Variants in CNOT4 observed in about 807,000 individuals in gnomAD.
CNOT4 encodes CCR4-associated factor 4.
CNOT4 carries 8 observed loss-of-function variants against 73.8 expected under a neutral mutation model. The ratio of observed to expected loss-of-function variants is 0.11; its 90% CI spans 0.06 to 0.20. The LOEUF is 0.20. Among genes scored for constraint, CNOT4 ranks in the 10% least tolerant of loss-of-function variants. CNOT4 has a pLI of 1.00. For synonymous variants in CNOT4, 293 were observed against 321.1 expected (o/e 0.91, Z 0.94); for missense variants, 564 against 883.4 (o/e 0.64, Z 4.58).
At chr7:135,384,800 A>G (rs893447530) in intron 10 of CNOT4, 7 of 744,416 alleles carry the variant, frequency 9.4e-6, no homozygotes, top group African/African-American at 1.7e-5. Flanking sequence ...CCACCCATCT[A>G]GTTAGCATCT....
At chr7:135,432,241 G>C (rs969643434) in intron 2 of CNOT4, among the ~76,000 whole-genome samples, 5 of 152,066 alleles carry the variant, frequency 3.3e-5, no homozygotes, top group African/African-American at 1.2e-4. Flanking sequence ...AACCAATCAA[G>C]AGTGAAAGGA....
intron 6 of CNOT4, 56 bp downstream of exon 6, chr7:135,413,432 T>TAA (rs369097634): frequency 5.0e-6 from 7 of 1,392,320 alleles, no homozygotes; most frequent in South Asian, 1.3e-5. Context: ...TGTTAACTAA[T>TAA]AAAAAAAAAA....
intron 1 of CNOT4, among the ~76,000 whole-genome samples, chr7:135,445,251 T>C (rs1198347364): frequency 1.3e-5 from 2 of 152,200 alleles, no homozygotes; most frequent in Non-Finnish European, 2.9e-5. Flanking sequence ...TTAAAGAGAA[T>C]CCAGCTTTAT....
chr7:135,453,848 T>TATATATATATATATATA lies in CNOT4; in HGVS notation c.-92-15426_-92-15425insTATATATATATATATAT, dbSNP rs61345541. Reference sequence around the variant, plus strand: ...ATTTTATATATATATATATATATATTATATATATAGCTGGTACAGCAGCTC... The same window carrying TATATATATATATATATA: ...ATTTTATATATATATATATATATATTATATATATATATATATAATATATATAGCTGGTACAGCAGCTC... On this transcript the variant is annotated intron_variant, in intron 1 of 11. Transcript: ENST00000541284. Among the ~76,000 whole-genome samples the TATATATATATATATATA allele has an allele frequency of 5.6e-3, 656 of 116,558 alleles. 8 individuals are homozygous for TATATATATATATATATA. The highest frequency in any genetic ancestry group is 0.018 in the Middle Eastern group (4 of 218). 76.5% of individuals were successfully genotyped at this position (116,558 alleles called of 152,430 possible). A position where few individuals can be genotyped will look rare whatever the true frequency, so the allele number is the denominator to read the frequency against.
intron 3 of CNOT4, among the ~76,000 whole-genome samples, chr7:135,417,640 A>G (rs1455202022): frequency 2.0e-5 from 3 of 152,208 alleles, no homozygotes; most frequent in Non-Finnish European, 4.4e-5. Flanking sequence ...TGGTACTGTC[A>G]AAGCACAAAT....
intron 1 of CNOT4, among the ~76,000 whole-genome samples, chr7:135,474,446 A>G (rs529578546): frequency 3.2e-4 from 48 of 151,706 alleles, no homozygotes; most frequent in African/African-American, 1.2e-3. Flanking sequence ...CACTACATCC[A>G]GCTTATTTTT....
At chr7:135,451,750 C>T (rs11982675) in intron 1 of CNOT4, among the ~76,000 whole-genome samples, 7,634 of 152,226 alleles carry the variant, frequency 0.05, 654 homozygotes, top group African/African-American at 0.17. Flanking sequence ...TGAACCTTAT[C>T]TATGTGTTTT....
At chr7:135,387,830 C>T in intron 10 of CNOT4, 1 of 980,106 alleles carries the variant, frequency 1.0e-6, no homozygotes, top group Non-Finnish European at 1.2e-6. Context: ...TTATCTGTTA[C>T]AATTTAGGTG....
At chr7:135,413,922 A>C (rs111853868) in intron 5 of CNOT4, among the ~76,000 whole-genome samples, 1 of 151,992 alleles carries the variant, frequency 6.6e-6, no homozygotes, top group Non-Finnish European at 1.5e-5. Context: ...GGTTAGACAC[A>C]TAAGAAGGCA....
chr7:135,414,090 A>T (rs1472891459), intron 5 of CNOT4, among the ~76,000 whole-genome samples: 1 of 152,040 alleles, frequency 6.6e-6, no homozygotes, highest in African/African-American at 2.4e-5. Flanking sequence ...GATATATGTA[A>T]AAATGCGATA....
chr7:135,443,252 G>A (rs955278054), intron 1 of CNOT4, among the ~76,000 whole-genome samples: 5 of 151,742 alleles, frequency 3.3e-5, no homozygotes, highest in African/African-American at 4.8e-5. Flanking sequence ...CTACTTGGGA[G>A]GCTGGGGTGG....
At chr7:135,394,753 T>G (rs1408145429) in intron 9 of CNOT4, among the ~76,000 whole-genome samples, 2 of 152,162 alleles carry the variant, frequency 1.3e-5, no homozygotes, top group African/African-American at 4.8e-5. Flanking sequence ...ATAACAGATT[T>G]TAATTAGTAA....
chr7:135,374,695 T>C (rs1795421809), intron 10 of CNOT4, among the ~76,000 whole-genome samples: 1 of 152,208 alleles, frequency 6.6e-6, no homozygotes, highest in Non-Finnish European at 1.5e-5. Context: ...CATGCATCTA[T>C]CACTTTATAA....
In CNOT4 at chr7:135,509,878, CAT is replaced by C. The variant is rs1315755293; in HGVS notation, c.-93+9_-93+10del. 2.0e-5 allele frequency: 8 copies of C among 395,298 alleles called. No individual in the cohort carries two copies. The highest frequency in any genetic ancestry group is 1.6e-4 in the African/African-American group (8 of 48,520). The allele number at this position is 395,298 out of a possible 1,614,324, so 24.5% of individuals were successfully genotyped here. On this transcript the variant is annotated intron_variant, in intron 1 of 11. Transcript: ENST00000541284. Reference sequence around the variant, plus strand: ...CGGGTTTCCCCTAAGCCCAGCCCCGCATAGACTCACCCGCCTGCCTTGCCTCG... The same window carrying C: ...CGGGTTTCCCCTAAGCCCAGCCCCGCAGACTCACCCGCCTGCCTTGCCTCG...
intron 1 of CNOT4, among the ~76,000 whole-genome samples, chr7:135,492,752 C>A (rs1280280038): frequency 6.6e-6 from 1 of 152,104 alleles, no homozygotes; most frequent in Non-Finnish European, 1.5e-5. Flanking sequence ...GGCAACACAG[C>A]AAGACCCCAT....
rs909239196 is a variant in CNOT4, at chr7:135,452,154, G to A, written c.-92-13731C>T. Among the ~76,000 whole-genome samples, 12 of 151,996 alleles carry A rather than the reference G, an allele frequency of 7.9e-5. No homozygotes were observed. The South Asian group carries it at 1.9e-3, about 24-fold the overall frequency. ...CTGCGGAGGCTGAGGCAGAAGGATC[G>A]CTTGAGCCCAGGAGTTCAAGGCTGC... On this transcript the variant is annotated intron_variant, in intron 1 of 11. Transcript: ENST00000541284.
At chr7:135,415,041 C>T in intron 4 of CNOT4, 135 bp downstream of exon 4, 1 of 639,698 alleles carries the variant, frequency 1.6e-6, no homozygotes, top group South Asian at 2.1e-5. Context: ...CCCACCCCAC[C>T]AACAGAGGTC....
chr7:135,390,732 A>AT (rs780690842), intron 10 of CNOT4, among the ~76,000 whole-genome samples: 19 of 152,178 alleles, frequency 1.2e-4, no homozygotes, highest in Non-Finnish European at 2.5e-4. Flanking sequence ...AAAAATAAAA[A>AT]TTTAAGTACA....
chr7:135,474,497 G>A (rs887485568), intron 1 of CNOT4, among the ~76,000 whole-genome samples: 1 of 151,050 alleles, frequency 6.6e-6, no homozygotes, highest in South Asian at 2.1e-4. Flanking sequence ...AGCAGGTCTT[G>A]AACCTCTGAC....
Sources: allele counts gnomAD v4.1 joint callset (sites outside exome capture counted in the v4.1 genomes callset), GRCh38; gene constraint gnomAD v4.1.1; transcripts MANE v1.5; gene names NCBI Gene and HGNC (gene_info 2026-07-23, HGNC 2026-07-21).